Variants in NR2F1-AS1 observed in about 807,000 individuals in gnomAD.
NR2F1-AS1 encodes the protein NR2F1 regulatory antisense RNA 1.
In NR2F1-AS1 at chr5:93,502,650, A is replaced by T. The variant is rs548407415; in HGVS notation, n.638+51111T>A. Among the ~76,000 whole-genome samples the T allele has an allele frequency of 2.0e-5, 3 of 152,202 alleles. No individual in the cohort carries two copies. In the East Asian group the frequency reaches 5.8e-4, roughly 29 times the overall value. On this transcript the variant is annotated intron_variant and non_coding_transcript_variant, in intron 4 of 5. Transcript: ENST00000660523. ...AAAGGGATATTAAAAGCAAAAACAA[A>T]ATATTTACTCACTAGCCCAGGAGAG...
At chr5:93,452,050 C>T (rs984189183) in intron 4 of NR2F1-AS1, among the ~76,000 whole-genome samples, 39 of 152,016 alleles carry the variant, frequency 2.6e-4, no homozygotes, top group African/African-American at 8.7e-4. Flanking sequence ...TATTTCCTGC[C>T]TTCAATTATA....
intron 4 of NR2F1-AS1, among the ~76,000 whole-genome samples, chr5:93,440,655 A>G (rs867428753): frequency 6.6e-6 from 1 of 151,630 alleles, no homozygotes; most frequent in Non-Finnish European, 1.5e-5. Flanking sequence ...TCTCTCACTC[A>G]CTCACTCACT....
chr5:93,541,397 A>G (rs1375663054), intron 4 of NR2F1-AS1, among the ~76,000 whole-genome samples: 1 of 152,160 alleles, frequency 6.6e-6, no homozygotes, highest in Non-Finnish European at 1.5e-5. Flanking sequence ...ATGGTCTTTC[A>G]GTCTCCCTCA....
chr5:93,462,018 G>A (rs981223737), intron 4 of NR2F1-AS1, among the ~76,000 whole-genome samples: 6 of 152,142 alleles, frequency 3.9e-5, no homozygotes, highest in African/African-American at 1.4e-4. Context: ...GTTTGCATTG[G>A]GGAAAGTGTT....
intron 4 of NR2F1-AS1, among the ~76,000 whole-genome samples, chr5:93,439,557 G>A (rs1749513713): frequency 6.6e-6 from 1 of 152,238 alleles, no homozygotes; most frequent in Admixed American, 6.5e-5. Flanking sequence ...GCCTCCCAAA[G>A]TGCTGGGATT....
chr5:93,438,310 A>C (rs1185520992), intron 4 of NR2F1-AS1, among the ~76,000 whole-genome samples: 3 of 152,198 alleles, frequency 2.0e-5, no homozygotes. Context: ...CTGCTGCTTG[A>C]AACTGCTTGA....
chr5:93,463,366 A>G (rs1750142915), intron 4 of NR2F1-AS1, among the ~76,000 whole-genome samples: 1 of 152,186 alleles, frequency 6.6e-6, no homozygotes, highest in Non-Finnish European at 1.5e-5. Flanking sequence ...ATTTCAGAGG[A>G]TGTGTGGAAA....
At chr5:93,534,569 A>T (rs544867474) in intron 4 of NR2F1-AS1, among the ~76,000 whole-genome samples, 55 of 152,238 alleles carry the variant, frequency 3.6e-4, no homozygotes, top group Admixed American at 1.0e-3. Context: ...TTAAAATCAT[A>T]TGATTCCTAG....
At chr5:93,414,247 G>A (rs2149839635) in intron 4 of NR2F1-AS1, among the ~76,000 whole-genome samples, 1 of 152,222 alleles carries the variant, frequency 6.6e-6, no homozygotes, top group Middle Eastern at 3.4e-3. Context: ...TTGAAACAAT[G>A]TTTTTGTTAG....
At chr5:93,478,196 G>A (rs1206726375) in intron 4 of NR2F1-AS1, among the ~76,000 whole-genome samples, 2 of 152,130 alleles carry the variant, frequency 1.3e-5, no homozygotes, top group Non-Finnish European at 2.9e-5. Context: ...TAAGTAGAAA[G>A]ACATACAATA....
chr5:93,546,790 G>A lies in NR2F1-AS1; in HGVS notation n.638+6971C>T, dbSNP rs139268262. Among the ~76,000 whole-genome samples, 238 of 152,200 alleles carry A rather than the reference G, an allele frequency of 1.6e-3. 1 individual carries two copies. The highest frequency in any genetic ancestry group is 5.3e-3 in the African/African-American group (222 of 41,520). On this transcript the variant is annotated intron_variant and non_coding_transcript_variant, in intron 4 of 5. Transcript: ENST00000660523. ...ATGGGGGAGAATGACCAACTGTGAT[G>A]GTTAGTTTTATGGATCAATTTGGCT...
chr5:93,531,979 T>C (rs1400886356), intron 4 of NR2F1-AS1, among the ~76,000 whole-genome samples: 1 of 152,180 alleles, frequency 6.6e-6, no homozygotes, highest in African/African-American at 2.4e-5. Context: ...TAAGGAAGCC[T>C]ACCTCTCTAC....
At chr5:93,434,020 A>T (rs1003595607) in intron 4 of NR2F1-AS1, among the ~76,000 whole-genome samples, 1 of 151,630 alleles carries the variant, frequency 6.6e-6, no homozygotes, top group African/African-American at 2.4e-5. Context: ...TTTTTTTCCC[A>T]TATGCTCTTT....
At chr5:93,542,568 T>C (rs1242517461) in intron 4 of NR2F1-AS1, 2 of 152,154 alleles carry the variant, frequency 1.3e-5, no homozygotes, top group Non-Finnish European at 2.9e-5. Flanking sequence ...AGGCCATTCC[T>C]CCTGCTAAAA....
At chr5:93,413,576 G>A (rs1394404038) in intron 4 of NR2F1-AS1, among the ~76,000 whole-genome samples, 1 of 152,114 alleles carries the variant, frequency 6.6e-6, no homozygotes, top group Non-Finnish European at 1.5e-5. Flanking sequence ...ATTAGGTTTG[G>A]GGTAGGAGGG....
At chr5:93,425,686 A>T (rs1478130599) in intron 4 of NR2F1-AS1, among the ~76,000 whole-genome samples, 1 of 152,164 alleles carries the variant, frequency 6.6e-6, no homozygotes, top group African/African-American at 2.4e-5. Flanking sequence ...TTGTCCTTCA[A>T]GGCTCTGATC....
At chr5:93,574,769 AG>A (rs1752858868) in intron 1 of NR2F1-AS1, among the ~76,000 whole-genome samples, 1 of 151,864 alleles carries the variant, frequency 6.6e-6, no homozygotes, top group South Asian at 2.1e-4. Context: ...GTGCACAGTG[AG>A]TGGAAAAAAT....
At chr5:93,417,706 C>T (rs1748996619) in intron 4 of NR2F1-AS1, among the ~76,000 whole-genome samples, 5 of 152,306 alleles carry the variant, frequency 3.3e-5, no homozygotes, top group African/African-American at 1.2e-4. Context: ...AGCTGTTGAA[C>T]ATGTTCATCT....
rs1751746971 is a variant in NR2F1-AS1 at position 93,532,062 on chromosome 5, C to T, written n.638+21699G>A. ...ATCATAACATATACTTATAGATAAG[C>T]TCACTAATCAAAATATCTTACTAGA... is the stretch of plus-strand genomic sequence containing the variant. On this transcript the variant is annotated intron_variant and non_coding_transcript_variant, in intron 4 of 5. Transcript: ENST00000660523. Among the ~76,000 whole-genome samples the T allele has an allele frequency of 2.0e-5, 3 of 152,108 alleles. 1 individual carries two copies. In the South Asian group the frequency reaches 6.2e-4, roughly 31 times the overall value.
Sources: allele counts gnomAD v4.1 joint callset (sites outside exome capture counted in the v4.1 genomes callset), GRCh38; gene constraint gnomAD v4.1.1; transcripts MANE v1.5; gene names NCBI Gene and HGNC (gene_info 2026-07-23, HGNC 2026-07-21).